RPL26: variants seen among roughly 807,000 people sequenced by gnomAD.
RPL26 encodes large ribosomal subunit protein uL24.
A neutral mutation model predicts 16.2 loss-of-function variants in RPL26; 1 was observed. The ratio of observed to expected loss-of-function variants is 0.06; its 90% confidence interval spans 0.02 to 0.29. RPL26 has a LOEUF of 0.29. Among genes scored for constraint, RPL26 ranks in the 10% least tolerant of loss-of-function variants. The pLI is 1.00. For synonymous variants in RPL26, 55 were observed against 62.4 expected (o/e 0.88, Z 0.56); for missense variants, 102 against 184.3 (o/e 0.55, Z 2.58).
Position 8,377,551 on chromosome 17 carries a change from A to G in RPL26, c.*13T>C, listed in dbSNP as rs112624153. The stretch of plus-strand genomic sequence containing the variant: ...GTTTCAAGTTTTAATCAAAGCTTGT[A>G]TATAAGATTACTTTATTCCTGCATC... On this transcript the variant is annotated 3_prime_UTR_variant, in exon 4 of 4. Transcript: ENST00000648839. The G allele has an allele frequency of 1.0e-5, 16 of 1,578,510 alleles. No homozygotes were observed. In the African/African-American group the frequency reaches 1.2e-4, roughly 12 times the overall value.
chr17:8,378,160 T>G (rs1268244476), intron 3 of RPL26, among the ~76,000 whole-genome samples: 2 of 152,068 alleles, frequency 1.3e-5, no homozygotes, highest in Non-Finnish European at 2.9e-5. Context: ...GTGAAACCCC[T>G]TCTCTACTAA....
chr17:8,382,733 T>C (rs1907482925), intron 1 of RPL26: 3 of 311,082 alleles, frequency 9.6e-6, no homozygotes, highest in Non-Finnish European at 1.2e-5. Flanking sequence ...GGCTTAAGAG[T>C]GAATACGTAT....
rs2151675601 is a variant in RPL26, at chr17:8,382,293, A to G, written c.18T>C (p.Phe6=). 6.2e-7 allele frequency: 1 copy of G among 1,613,266 alleles called. No homozygotes were observed. The highest frequency in any genetic ancestry group is 8.5e-7 in the Non-Finnish European group (1 of 1,179,326). Residue 6 remains phenylalanine (F), a synonymous_variant, in exon 2 of 4, where the codon TTT becomes TTC. Coordinates refer to ENST00000648839, the MANE Select transcript of RPL26 (RefSeq NM_000987.5). MKFNP[F]VTSDRSKNRK... is the part of the protein sequence containing the mutation. ...GATTCTTGCTTCGGTCGGAAGTCAC[A>G]AAGGGATTAAACTTCATTTTGGCTA...
intron 2 of RPL26, 161 bp downstream of exon 2, chr17:8,381,982 A>T: frequency 1.6e-6 from 1 of 618,860 alleles, no homozygotes. Flanking sequence ...TAAAAACTGA[A>T]AAGCAGCTTA....
chr17:8,381,311 ACT>A (rs1347046441), intron 2 of RPL26: 4 of 152,036 alleles, frequency 2.6e-5, no homozygotes, highest in South Asian at 4.2e-4. Context: ...CATGAATTAA[ACT>A]CTTTCTCTAT....
In RPL26 at chr17:8,381,528, G is replaced by A. The variant is rs79375333; in HGVS notation, c.168+615C>T. ...GTTGGAGACCAATCTGGGCAGTAAA[G>A]TGAGACCCCTCTCTACAGAAACAAA... is the stretch of plus-strand genomic sequence containing the variant. On this transcript the variant is annotated intron_variant, in intron 2 of 3. Coordinates refer to ENST00000648839, the MANE Select transcript of RPL26 (RefSeq NM_000987.5). Among the ~76,000 whole-genome samples, 271 of 152,250 alleles carry A rather than the reference G, an allele frequency of 1.8e-3. 1 individual carries two copies. In the East Asian group the frequency reaches 0.024, roughly 14 times the overall value.
In RPL26 at chr17:8,382,967, C is replaced by G. The variant is rs1274139498; in HGVS notation, c.-6+190G>C. On this transcript the variant is annotated intron_variant, in intron 1 of 3. Transcript: ENST00000648839. ...GCTCGTTTTCGAGTTCCCAAATCCC[C>G]GGTCCCTCCATCCATCTCCGGCCCG... 8 of 398,424 alleles carry G rather than the reference C, an allele frequency of 2.0e-5. No homozygotes were observed. The East Asian group carries it at 2.5e-4, about 12-fold the overall frequency. The allele number at this position is 398,424 out of a possible 1,614,324, so 24.7% of individuals were successfully genotyped here.
intron 2 of RPL26, chr17:8,381,786 A>T: frequency 4.6e-6 from 1 of 218,974 alleles, no homozygotes. Context: ...AAATTAGCCG[A>T]GCCGTGGTGG....
chr17:8,378,327 C>T (rs7210576), intron 3 of RPL26, among the ~76,000 whole-genome samples: 53,275 of 151,802 alleles, frequency 0.35, 9,946 homozygotes, highest in Admixed American at 0.46. Context: ...TCAATCGAGA[C>T]TCCATCTCAA....
At chr17:8,381,550 CA>C (rs968023485) in intron 2 of RPL26, among the ~76,000 whole-genome samples, 5 of 151,358 alleles carry the variant, frequency 3.3e-5, no homozygotes, top group Admixed American at 2.6e-4. Flanking sequence ...TCTACAGAAA[CA>C]AAAAAAAGGT....
chr17:8,382,379 C>A (rs1215771073), intron 1 of RPL26, 64 bp from the exon 2 acceptor site: 1 of 1,182,142 alleles, frequency 8.5e-7, no homozygotes, highest in East Asian at 2.4e-5. Flanking sequence ...AAACAAATAA[C>A]CGCAATGATT....
intron 2 of RPL26, 106 bp from the exon 3 acceptor site, chr17:8,380,042 G>T: frequency 3.1e-6 from 3 of 970,628 alleles, no homozygotes; most frequent in Non-Finnish European, 4.5e-6. Flanking sequence ...TATATTAAAA[G>T]GTTAAAAAAA....
intron 1 of RPL26, chr17:8,382,904 C>A: frequency 2.5e-6 from 1 of 396,896 alleles, no homozygotes; most frequent in African/African-American, 2.1e-5. Flanking sequence ...ACGACACTAC[C>A]CAGACTCCAG....
intron 3 of RPL26, chr17:8,379,335 G>C (rs1466709398): frequency 6.1e-6 from 1 of 163,610 alleles, no homozygotes; most frequent in African/African-American, 2.4e-5. Flanking sequence ...AGCACTTTAG[G>C]AGGCTGAGGC....
Position 8,379,780 on chromosome 17 carries a change from T to A in RPL26, c.309+16A>T. 6.2e-7 allele frequency: 1 copy of A among 1,610,070 alleles called. No individual in the cohort carries two copies. The highest frequency in any genetic ancestry group is 8.5e-7 in the Non-Finnish European group (1 of 1,178,280). On this transcript the variant is annotated intron_variant, in intron 3 of 3. Transcript: ENST00000648839. ...GCCATAATTTCCTTCTCTCAAGCATTCTCAAAAACACCTACCTTGCTGGGG... is the reference window on the plus strand; with the variant it reads ...GCCATAATTTCCTTCTCTCAAGCATACTCAAAAACACCTACCTTGCTGGGG...
At chr17:8,381,495 C>A (rs1168544123) in intron 2 of RPL26, among the ~76,000 whole-genome samples, 1 of 152,104 alleles carries the variant, frequency 6.6e-6, no homozygotes, top group African/African-American at 2.4e-5. Context: ...CGGGCAGGAT[C>A]CCCAGGAGTT....
intron 1 of RPL26, 108 bp from the exon 2 acceptor site, chr17:8,382,423 G>A (rs764428979): frequency 3.9e-6 from 3 of 767,838 alleles, no homozygotes; most frequent in Non-Finnish European, 6.2e-6. Flanking sequence ...CATAGGCAGT[G>A]TCATGTTGTG....
chr17:8,379,640 G>C, intron 3 of RPL26, 156 bp downstream of exon 3: 1 of 660,216 alleles, frequency 1.5e-6, no homozygotes, highest in South Asian at 2.0e-5. Context: ...AATGGTATTA[G>C]AATTTTCAAT....
chr17:8,382,564 C>T, intron 1 of RPL26: 2 of 440,018 alleles, frequency 4.5e-6, no homozygotes, highest in East Asian at 9.3e-5. Context: ...AAACACTTGT[C>T]CTAGTTATAA....
Sources: gnomAD v4.1 joint callset for allele counts (sites outside exome capture counted in the v4.1 genomes callset) on GRCh38, gnomAD v4.1.1 for gene constraint, MANE v1.5 for transcripts, NCBI Gene and HGNC (gene_info 2026-07-23, HGNC 2026-07-21) for gene names.